LRRC7: variants seen among roughly 807,000 people sequenced by gnomAD.
The protein encoded by LRRC7 is leucine rich repeat containing 7, also known as leucine-rich repeat-containing protein 7.
A neutral mutation model predicts 175.7 loss-of-function variants in LRRC7; 23 were observed. The ratio of observed to expected loss-of-function variants is 0.13; its 90% CI spans 0.09 to 0.19. LRRC7 has a LOEUF of 0.19. Ranked by LOEUF, LRRC7 falls within the 10% of genes least tolerant of loss-of-function variation. The probability of loss-of-function intolerance (pLI) is 1.00; values close to 1 mark genes in which losing one functional copy is unlikely to be tolerated. For synonymous variants in LRRC7, 685 were observed against 680.9 expected (o/e 1.01, Z -0.09); for missense variants, 1,354 against 1,904.7 (o/e 0.71, Z 5.38).
At position 69,754,199 on chromosome 1, in the gene LRRC7, G is replaced by T. The variant is rs371840163; in HGVS notation, c.101-5992G>T. Among the ~76,000 whole-genome samples the T allele has an allele frequency of 3.3e-5, 5 of 152,130 alleles. No homozygotes were observed. The East Asian group carries it at 7.7e-4, about 24-fold the overall frequency. ...ACAGAGAGGAGTCATTGAAGTATTT[G>T]CAGCAAGAGAGTGACATAATCATAT... is the stretch of plus-strand genomic sequence containing the variant. On this transcript the variant is annotated intron_variant, in intron 2 of 26. Transcript: ENST00000651989.
At position 69,801,491 on chromosome 1, in the gene LRRC7, G is replaced by A. The variant is rs562814426; in HGVS notation, c.421+9331G>A. On this transcript the variant is annotated intron_variant, in intron 4 of 26. Transcript: ENST00000651989. Reference sequence around the variant, plus strand: ...TCATTCATTTCCTCTGGAATTCTTAGCCTGTGAGCAAAGACTTATTCATGG... The same window carrying A: ...TCATTCATTTCCTCTGGAATTCTTAACCTGTGAGCAAAGACTTATTCATGG... 1.8e-4 allele frequency among the ~76,000 whole-genome samples: 27 copies of A among 151,738 alleles called. No individual in the cohort carries two copies. In the South Asian group the frequency reaches 5.4e-3, roughly 30 times the overall value.
chr1:69,796,316 G>A (rs1675759132), intron 4 of LRRC7, among the ~76,000 whole-genome samples: 2 of 151,598 alleles, frequency 1.3e-5, no homozygotes, highest in Non-Finnish European at 2.9e-5. Flanking sequence ...AACTCCAGCT[G>A]GTCATCTCTC....
At chr1:69,779,484 C>G (rs1160669540) in intron 3 of LRRC7, among the ~76,000 whole-genome samples, 1 of 152,108 alleles carries the variant, frequency 6.6e-6, no homozygotes, top group African/African-American at 2.4e-5. Context: ...TATTTTAATG[C>G]AAATTATTAT....
At chr1:69,914,939 T>C (rs1175132138) in intron 7 of LRRC7, among the ~76,000 whole-genome samples, 1 of 152,078 alleles carries the variant, frequency 6.6e-6, no homozygotes, top group African/African-American at 2.4e-5. Flanking sequence ...TAGTGAACTG[T>C]AGAGCACATA....
chr1:69,584,105 T>C (rs1378848953), intron 1 of LRRC7, among the ~76,000 whole-genome samples: 1 of 152,168 alleles, frequency 6.6e-6, no homozygotes, highest in African/African-American at 2.4e-5. Context: ...CTTACTTCTC[T>C]CATCCTAAAT....
intron 1 of LRRC7, among the ~76,000 whole-genome samples, chr1:69,627,917 A>C (rs1651864955): frequency 7.0e-6 from 1 of 143,572 alleles, no homozygotes; most frequent in Non-Finnish European, 1.6e-5. Context: ...ATTCCAACAT[A>C]ATCAGTTTTT....
chr1:70,078,397 A>G (rs908362735), intron 24 of LRRC7, among the ~76,000 whole-genome samples: 2 of 152,140 alleles, frequency 1.3e-5, no homozygotes, highest in African/African-American at 4.8e-5. Context: ...GGCACCTTCA[A>G]TGACATCATA....
chr1:69,660,477 G>C (rs59785157), intron 1 of LRRC7, among the ~76,000 whole-genome samples: 1 of 152,022 alleles, frequency 6.6e-6, no homozygotes, highest in Non-Finnish European at 1.5e-5. Context: ...GATAAAAGCC[G>C]ATGTTAGATG....
intron 8 of LRRC7, among the ~76,000 whole-genome samples, chr1:69,934,510 GGT>G (rs1362922012): frequency 2.8e-3 from 254 of 89,178 alleles, no homozygotes; most frequent in East Asian, 9.6e-3. Flanking sequence ...GGGGGCGGGG[GGT>G]GGGGGGTTTT....
intron 3 of LRRC7, among the ~76,000 whole-genome samples, chr1:69,774,174 GC>G (rs1352881203): frequency 2.0e-5 from 3 of 152,192 alleles, no homozygotes; most frequent in Non-Finnish European, 4.4e-5. Flanking sequence ...ATCTTACAAA[GC>G]CAGGTGGGCA....
chr1:69,943,206 C>T (rs1481992117), intron 8 of LRRC7, among the ~76,000 whole-genome samples: 1 of 152,060 alleles, frequency 6.6e-6, no homozygotes, highest in African/African-American at 2.4e-5. Flanking sequence ...ATAGAAATGT[C>T]CATCACCTGT....
At chr1:69,621,047 C>CT (rs1256314815) in intron 1 of LRRC7, among the ~76,000 whole-genome samples, 5 of 145,320 alleles carry the variant, frequency 3.4e-5, no homozygotes, top group South Asian at 4.4e-4. Flanking sequence ...TTTTTTTTTT[C>CT]TTTTTTTTTC....
rs1003227526 is a variant in LRRC7, at chr1:70,043,975, A to G, written c.3991A>G (p.Thr1331Ala). ...TCAGAATGCTGCTTACAAACACAAT[A>G]CAGTTAACCTTGGCATGCTGCCCTA... The part of the protein sequence containing the change: ...LDRNAAYKHN[T>A]VNLGMLPYGG... Residue 1331 changes from threonine to alanine, a missense_variant, in exon 22 of 27, where the codon ACA becomes GCA. Physicochemically the swap from Thr to Ala is moderately conservative, Grantham distance 58 (BLOSUM62 0). This residue lies in a region of LRRC7 where 1,032 missense variants were observed against 1,227.2 expected (regional missense o/e 0.84). Transcript: ENST00000651989. The G allele has an allele frequency of 1.9e-6, 3 of 1,612,606 alleles. No homozygotes were observed. The highest frequency in any genetic ancestry group is 2.5e-6 in the Non-Finnish European group (3 of 1,179,006).
intron 7 of LRRC7, among the ~76,000 whole-genome samples, chr1:69,892,048 T>C (rs1434212725): frequency 1.3e-5 from 2 of 152,202 alleles, no homozygotes; most frequent in Non-Finnish European, 2.9e-5. Flanking sequence ...AATGTATACA[T>C]ATATTGAAAC....
chr1:69,994,471 CA>C (rs1654741769), intron 10 of LRRC7, 89 bp from the exon 11 acceptor site: 3 of 924,222 alleles, frequency 3.2e-6, no homozygotes, highest in Non-Finnish European at 5.2e-6. Context: ...GCCAAGCATT[CA>C]ACACAAGTGA....
At chr1:69,819,049 T>C (rs898935150) in intron 4 of LRRC7, among the ~76,000 whole-genome samples, 4 of 152,130 alleles carry the variant, frequency 2.6e-5, no homozygotes, top group African/African-American at 4.8e-5. Context: ...TCTAGTTTCA[T>C]TGATCTTTTC....
At chr1:69,977,432 A>G (rs1438260571) in intron 8 of LRRC7, among the ~76,000 whole-genome samples, 1 of 152,234 alleles carries the variant, frequency 6.6e-6, no homozygotes, top group East Asian at 1.9e-4. Flanking sequence ...TATGACTAGT[A>G]TAATGCCTAG....
chr1:69,961,867 A>C (rs1478206903), intron 8 of LRRC7, among the ~76,000 whole-genome samples: 4 of 152,174 alleles, frequency 2.6e-5, no homozygotes, highest in Non-Finnish European at 4.4e-5. Flanking sequence ...TGTAAAACCC[A>C]AAACCATTAA....
intron 4 of LRRC7, among the ~76,000 whole-genome samples, chr1:69,802,506 C>G (rs1438515457): frequency 6.6e-6 from 1 of 151,208 alleles, no homozygotes; most frequent in Non-Finnish European, 1.5e-5. Context: ...TGATTAAAGT[C>G]TGTTTTATCT....
Sources: allele counts gnomAD v4.1 joint callset (sites outside exome capture counted in the v4.1 genomes callset), GRCh38; gene constraint gnomAD v4.1.1; regional missense constraint gnomAD v4.1.1; transcripts MANE v1.5; gene names NCBI Gene and HGNC (gene_info 2026-07-23, HGNC 2026-07-21).